The following PCNX2 variants were observed in gnomAD, a reference collection of about 807,000 sequenced individuals.
The protein encoded by PCNX2 is pecanex-like protein 2.
Under a neutral mutation model 223.8 loss-of-function variants are expected in PCNX2, and 168 were observed. The observed-to-expected ratio is 0.75, with a 90% CI of 0.66 to 0.85. The LOEUF is 0.85. PCNX2 is among the 40% of genes least tolerant of loss of function. PCNX2 has a pLI of 0.00. For synonymous variants in PCNX2, 1,006 were observed against 1,052.6 expected (o/e 0.96, Z 0.86); for missense variants, 2,507 against 2,675.5 (o/e 0.94, Z 1.39).
chr1:233,262,869 A>G, intron 2 of PCNX2, 89 bp downstream of exon 2: 1 of 1,203,494 alleles, frequency 8.3e-7, no homozygotes, highest in Non-Finnish European at 1.2e-6. Flanking sequence ...TGCCTATACT[A>G]GTAATTTCAT....
Position 233,262,084 on chromosome 1 carries a change from T to G in PCNX2, c.441A>C (p.Arg147Ser). Reference protein sequence around the residue: ...LSTPPLRCSSRGQSITSHHSS... With the variant: ...LSTPPLRCSSSGQSITSHHSS... ...AGTGATGAGAGGTTATGCTTTGCCC[T>G]CTGGAGCTGCAGCGGAGGGGAGGCG... The change falls in exon 3 of 34, where the codon AGA becomes AGC. Residue 147 changes from arginine to serine, a missense_variant. Arg to Ser is a moderately radical substitution (Grantham distance 110). Coordinates refer to ENST00000258229, the MANE Select transcript of PCNX2 (RefSeq NM_014801.4). 1 of 1,613,876 alleles carries G rather than the reference T, an allele frequency of 6.2e-7. No individual in the cohort carries two copies. Among genetic ancestry groups the G allele is most frequent in the Non-Finnish European group, 8.5e-7 (1 of 1,179,808 alleles).
chr1:233,070,265 T>C (rs1363543043), intron 23 of PCNX2, among the ~76,000 whole-genome samples: 4 of 139,394 alleles, frequency 2.9e-5, no homozygotes, highest in African/African-American at 1.2e-4. Context: ...AAGGCTTCAC[T>C]GAAGAATTCT....
rs1179941923 is a variant in PCNX2, at chr1:233,001,664, T to C, written c.4970A>G (p.Tyr1657Cys). ...NMAISLDSFL[Y>C]GLHVLFKGDF... ...ACCTTTGAAGAGGACATGGAGGCCA[T>C]ACAGGAAAGAATCCAGGCTGCAAAA... Residue 1657 changes from tyrosine to cysteine, a missense_variant, in exon 29 of 34, where the codon TAT (tyrosine) becomes TGT (cysteine). Tyr to Cys is a radical substitution (Grantham distance 194). Transcript: ENST00000258229. This position sits in a 1 kb window ranked among gnomAD's most constrained non-coding sequence, Gnocchi z 4.2. 2.5e-6 allele frequency: 4 copies of C among 1,584,318 alleles called. No individual in the cohort carries two copies. Among genetic ancestry groups the C allele is most frequent in the Non-Finnish European group, 2.6e-6 (3 of 1,163,928 alleles).
At chr1:233,180,130 C>T (rs1051474973) in intron 15 of PCNX2, among the ~76,000 whole-genome samples, 7 of 152,192 alleles carry the variant, frequency 4.6e-5, no homozygotes, top group South Asian at 2.1e-4. Flanking sequence ...AATTTATGTT[C>T]GAGTGCTATT....
intron 21 of PCNX2, among the ~76,000 whole-genome samples, chr1:233,105,627 GA>G (rs1465702250): frequency 6.6e-6 from 1 of 152,122 alleles, no homozygotes; most frequent in Admixed American, 6.5e-5. Flanking sequence ...TAACTAAAAA[GA>G]AAAACAGAAA....
the PCNX2 span, among the ~76,000 whole-genome samples, chr1:233,323,729 C>T: frequency 6.6e-6 from 1 of 152,210 alleles, no homozygotes; most frequent in African/African-American, 2.4e-5. Flanking sequence ...TTCCCTGTCC[C>T]TTTCCCTTCT....
rs79080711 is a variant in PCNX2 at position 233,276,339 on chromosome 1, T to C, written c.154-13176A>G. ...TGGGGGAGAGAGAAATGGGGAGTTA[T>C]TGTCTAACGGGAATGGAATTTCAGT... On this transcript the variant is annotated intron_variant, in intron 1 of 33. Coordinates refer to ENST00000258229, the MANE Select transcript of PCNX2 (RefSeq NM_014801.4). 3.0e-3 allele frequency among the ~76,000 whole-genome samples: 454 copies of C among 152,222 alleles called. 3 individuals carry two copies. The highest frequency in any genetic ancestry group is 0.011 in the African/African-American group (437 of 41,534).
At chr1:233,056,626 AT>A (rs1376343259) in intron 24 of PCNX2, among the ~76,000 whole-genome samples, 1 of 152,268 alleles carries the variant, frequency 6.6e-6, no homozygotes, top group Non-Finnish European at 1.5e-5. Flanking sequence ...AATATAGATA[AT>A]GAGCACGATA....
Position 233,161,378 on chromosome 1 carries a change from C to G in PCNX2, c.3274-15G>C, listed in dbSNP as rs1678470015. ...AAGACATCCGTCTGGAAAGAGAAAA[C>G]CAGCGGTAAAGGCGACTCTTCATTT... is the stretch of plus-strand genomic sequence containing the variant. On this transcript the variant is annotated splice_polypyrimidine_tract_variant and intron_variant, in intron 17 of 33. Coordinates refer to ENST00000258229, the MANE Select transcript of PCNX2 (RefSeq NM_014801.4). 1 of 1,611,004 alleles carries G rather than the reference C, an allele frequency of 6.2e-7. No homozygotes were observed.
At chr1:233,013,046 A>C (rs1402766052) in intron 28 of PCNX2, among the ~76,000 whole-genome samples, 1 of 152,158 alleles carries the variant, frequency 6.6e-6, no homozygotes, top group Non-Finnish European at 1.5e-5. Context: ...TGCGGCAATC[A>C]TCAAGCTTAG....
chr1:233,039,953 C>A (rs916121218), intron 25 of PCNX2, among the ~76,000 whole-genome samples: 1 of 151,878 alleles, frequency 6.6e-6, no homozygotes, highest in Non-Finnish European at 1.5e-5. Flanking sequence ...ATTAGATGAG[C>A]AAAAACTGTA....
At chr1:233,013,960 T>A (rs1431101713) in intron 28 of PCNX2, among the ~76,000 whole-genome samples, 1 of 145,996 alleles carries the variant, frequency 6.8e-6, no homozygotes, top group South Asian at 2.2e-4. Context: ...CCACAGCCCA[T>A]AGTGCTAAAA....
chr1:233,271,750 T>C (rs532009629), intron 1 of PCNX2, among the ~76,000 whole-genome samples: 1 of 152,338 alleles, frequency 6.6e-6, no homozygotes, highest in African/African-American at 2.4e-5. Flanking sequence ...CCACTTTATG[T>C]TTTTGTTTGC....
chr1:233,025,551 G>T, intron 25 of PCNX2, 152 bp from the exon 26 acceptor site: 3 of 899,302 alleles, frequency 3.3e-6, no homozygotes, highest in Admixed American at 2.8e-5. Flanking sequence ...GTCCCCCAAA[G>T]AAGTCACAAT....
chr1:233,132,139 C>T (rs896680347), intron 21 of PCNX2, among the ~76,000 whole-genome samples: 1 of 152,070 alleles, frequency 6.6e-6, no homozygotes, highest in Non-Finnish European at 1.5e-5. Flanking sequence ...GAGGTTTCAC[C>T]ATGTTGGTCA....
intron 13 of PCNX2, among the ~76,000 whole-genome samples, chr1:233,205,993 G>A (rs964843745): frequency 5.9e-5 from 9 of 152,274 alleles, no homozygotes; most frequent in South Asian, 2.1e-4. Context: ...GAGGTGTTAT[G>A]AGCCAGCATA....
At chr1:233,112,179 T>C (rs1254772321) in intron 21 of PCNX2, among the ~76,000 whole-genome samples, 1 of 152,228 alleles carries the variant, frequency 6.6e-6, no homozygotes, top group African/African-American at 2.4e-5. Flanking sequence ...TCTGTGACCT[T>C]GAAGATCTTG....
the PCNX2 span, among the ~76,000 whole-genome samples, chr1:233,316,381 T>G: frequency 6.9e-6 from 1 of 144,324 alleles, no homozygotes; most frequent in Non-Finnish European, 1.5e-5. Flanking sequence ...GTCATTATTC[T>G]TACTTGTTTA....
the PCNX2 span, among the ~76,000 whole-genome samples, chr1:233,315,816 T>A: frequency 0.42 from 63,503 of 151,194 alleles, 13,558 homozygotes; most frequent in South Asian, 0.48. Context: ...AACCTTTTTT[T>A]AAAAAAAAAA....
Sources: allele counts gnomAD v4.1 joint callset (sites outside exome capture counted in the v4.1 genomes callset), GRCh38; gene constraint gnomAD v4.1.1; non-coding constraint Gnocchi (gnomAD v3.1); transcripts MANE v1.5; gene names NCBI Gene and HGNC (gene_info 2026-07-23, HGNC 2026-07-21).